Variants in LARS1 observed in about 807,000 individuals in gnomAD.
The protein encoded by LARS1 is leucyl-tRNA synthetase 1.
In LARS1, 100 loss-of-function variants were observed where a neutral mutation model predicts 162.8. The ratio of observed to expected loss-of-function variants is 0.61; its 90% CI spans 0.52 to 0.73. The LOEUF (loss-of-function observed/expected upper bound fraction) is 0.73, where lower values mean the gene tolerates loss of function less well. Among genes scored for constraint, LARS1 ranks in the 30% least tolerant of loss-of-function variants. The pLI, the probability that LARS1 is intolerant of heterozygous loss-of-function variation, is 0.00. For missense variants in LARS1, 1,258 were observed against 1,408.9 expected, an observed-to-expected ratio of 0.89 and a Z score of 1.71; for synonymous variants, 457 against 462.8, an observed-to-expected ratio of 0.99 and a Z score of 0.16.
intron 21 of LARS1, chr5:146,138,085 A>T (rs1156903247): frequency 6.6e-6 from 1 of 151,162 alleles, no homozygotes; most frequent in East Asian, 2.0e-4. Flanking sequence ...ACGTCATTGC[A>T]TACCAGCCCA....
At chr5:146,160,241 G>T (rs1753720971) in intron 7 of LARS1, 133 bp downstream of exon 7, 2 of 469,062 alleles carry the variant, frequency 4.3e-6, no homozygotes, top group Non-Finnish European at 7.6e-6. Flanking sequence ...TCGCTATGTT[G>T]CCCAGGCTGG....
intron 4 of LARS1, 36 bp downstream of exon 4, chr5:146,171,874 A>G: frequency 6.6e-7 from 1 of 1,512,710 alleles, no homozygotes; most frequent in Non-Finnish European, 9.1e-7. Context: ...TGCTCCAACT[A>G]AAAAGAGTAG....
chr5:146,177,171 A>G (rs1754619331), intron 2 of LARS1, among the ~76,000 whole-genome samples: 1 of 152,182 alleles, frequency 6.6e-6, no homozygotes, highest in Non-Finnish European at 1.5e-5. Flanking sequence ...CGGTTTTAGA[A>G]ATACAATGCA....
chr5:146,139,312 C>T (rs1752655136), intron 21 of LARS1, among the ~76,000 whole-genome samples: 1 of 145,502 alleles, frequency 6.9e-6, no homozygotes, highest in Non-Finnish European at 1.5e-5. Flanking sequence ...CACTGCACTC[C>T]AGCCTGGGCG....
intron 10 of LARS1, among the ~76,000 whole-genome samples, chr5:146,154,190 G>C (rs927977092): frequency 2.7e-5 from 4 of 147,284 alleles, no homozygotes; most frequent in Non-Finnish European, 6.1e-5. Flanking sequence ...TTAAGAGACA[G>C]AGCCTTGCTA....
intron 1 of LARS1, among the ~76,000 whole-genome samples, chr5:146,179,860 T>C (rs35048686): frequency 0.22 from 33,883 of 152,152 alleles, 4,832 homozygotes; most frequent in Admixed American, 0.34. Flanking sequence ...GCCTTGGCTT[T>C]CCAAAGTGCT....
At chr5:146,181,456 G>T (rs183654728) in intron 1 of LARS1, among the ~76,000 whole-genome samples, 2 of 151,958 alleles carry the variant, frequency 1.3e-5, no homozygotes, top group East Asian at 3.9e-4. Flanking sequence ...CAGAAGGATC[G>T]CTTGACCCCA....
chr5:146,149,203 C>T (rs1157394654), intron 15 of LARS1, among the ~76,000 whole-genome samples: 2 of 152,068 alleles, frequency 1.3e-5, no homozygotes, highest in African/African-American at 2.4e-5. Context: ...CCTAACAGAC[C>T]ATTGTCTCTC....
intron 27 of LARS1, 141 bp from the exon 28 acceptor site, chr5:146,126,686 G>C (rs759507317): frequency 1.4e-5 from 8 of 572,550 alleles, no homozygotes; most frequent in South Asian, 2.4e-5. Context: ...CTAGCATCAC[G>C]GGGAAGTGAA....
In LARS1 at chr5:146,153,280, T is replaced by C; in HGVS notation, c.1231-53A>G. On this transcript the variant is annotated intron_variant, in intron 12 of 31. Transcript: ENST00000394434. ...AATGATCAACACTTTACTGGGAGAA[T>C]CATTGAGAGAAGCAATCTCCAAAGT... The C allele has an allele frequency of 4.8e-6, 6 of 1,255,420 alleles. No homozygotes were observed. In the East Asian group the frequency reaches 1.2e-4, roughly 24 times the overall value. The allele number at this position is 1,255,420 out of a possible 1,614,324, so 77.8% of individuals were successfully genotyped here.
chr5:146,149,078 A>C (rs1414664699), intron 15 of LARS1, among the ~76,000 whole-genome samples: 1 of 152,156 alleles, frequency 6.6e-6, no homozygotes, highest in Non-Finnish European at 1.5e-5. Context: ...TCCATCTCAA[A>C]AAAAAAAGAG....
intron 21 of LARS1, among the ~76,000 whole-genome samples, chr5:146,136,482 ATT>A (rs35080569): frequency 0.22 from 31,701 of 141,404 alleles, 4,167 homozygotes; most frequent in Admixed American, 0.34. Flanking sequence ...CAGATTACCT[ATT>A]TTTTTTTTTT....
intron 14 of LARS1, among the ~76,000 whole-genome samples, 185 bp downstream of exon 14, chr5:146,151,677 G>T (rs975428693): frequency 1.3e-5 from 2 of 152,134 alleles, no homozygotes; most frequent in African/African-American, 4.8e-5. Context: ...TTCTGAAAAT[G>T]CTTTTAGGCA....
chr5:146,155,049 A>C (rs1753460992), intron 10 of LARS1, among the ~76,000 whole-genome samples: 1 of 151,962 alleles, frequency 6.6e-6, no homozygotes. Flanking sequence ...ACAGGGTTTC[A>C]CCATGTTGGC....
chr5:146,155,974 C>T lies in LARS1; in HGVS notation c.1065+1429G>A, dbSNP rs75151431. Among the ~76,000 whole-genome samples, 900 of 152,218 alleles carry T rather than the reference C, an allele frequency of 5.9e-3. 8 individuals are homozygous for T. The highest frequency in any genetic ancestry group is 0.02 in the African/African-American group (848 of 41,546). ...TGTGGTACAACCAAACAATGAAATACTATGTAGCTATAAAAAATAAGAATA... is the reference window on the plus strand; with the variant it reads ...TGTGGTACAACCAAACAATGAAATATTATGTAGCTATAAAAAATAAGAATA... On this transcript the variant is annotated intron_variant, in intron 10 of 31. Transcript: ENST00000394434.
rs190599955 is a variant in LARS1 at position 146,155,447 on chromosome 5, T to G, written c.1066-1467A>C. Among the ~76,000 whole-genome samples the G allele has an allele frequency of 1.4e-4, 21 of 152,338 alleles. No individual in the cohort carries two copies. In the East Asian group the frequency reaches 4.0e-3, roughly 29 times the overall value. On this transcript the variant is annotated intron_variant, in intron 10 of 31. Coordinates refer to ENST00000394434, the MANE Select transcript of LARS1 (RefSeq NM_020117.11). ...CAAGAACAAGAATGGGTACTATACA[T>G]CTATTTAAAATAGTAGTTATGAAGA...
intron 1 of LARS1, among the ~76,000 whole-genome samples, chr5:146,179,422 A>G (rs1333666005): frequency 6.6e-6 from 1 of 152,038 alleles, no homozygotes; most frequent in Non-Finnish European, 1.5e-5. Flanking sequence ...TCAGCCTCCC[A>G]AAGTGCTGTG....
In LARS1 at chr5:146,114,285, A is replaced by G. The variant is rs1764103313; in HGVS notation, c.3352T>C (p.Phe1118Leu). The change falls in exon 32 of 32, where the codon TTT (phenylalanine) becomes CTT (leucine). Residue 1118 changes from phenylalanine (F) to leucine (L), a missense_variant. By Grantham distance (22) the Phe-to-Leu change is conservative. Coordinates refer to ENST00000394434, the MANE Select transcript of LARS1 (RefSeq NM_020117.11). ...KDLSKVKLMR[F>L]DDPLLGPRRV... ...CGAGGCCCCAACAGTGGATCATCAA[A>G]TCTCATCAGTTTCACTTTGGAAAGG... The G allele has an allele frequency of 6.2e-7, 1 of 1,613,892 alleles. No homozygotes were observed. Among genetic ancestry groups the G allele is most frequent in the African/African-American group, 1.3e-5 (1 of 74,856 alleles).
Position 146,157,625 on chromosome 5 carries a change from GCCAC to G in LARS1, c.840-1_842del. The G allele has an allele frequency of 6.2e-7, 1 of 1,613,086 alleles. No individual in the cohort carries two copies. ...CCAAGAAAATATTTTTACCTTTCAG[GCCAC>G]TGAGAAAAAAAAACAAATATTGATG... is the stretch of plus-strand genomic sequence containing the variant. On this transcript the variant is annotated splice_acceptor_variant and coding_sequence_variant, in exon 10 of 32. Transcript: ENST00000394434. LOFTEE classifies it high-confidence loss of function.
Sources: gnomAD v4.1 joint callset for allele counts (sites outside exome capture counted in the v4.1 genomes callset) on GRCh38, gnomAD v4.1.1 for gene constraint, MANE v1.5 for transcripts, NCBI Gene and HGNC (gene_info 2026-07-23, HGNC 2026-07-21) for gene names.